Variants in HIVEP3 observed in about 807,000 individuals in gnomAD.
HIVEP3 encodes the protein transcription factor HIVEP3.
HIVEP3 carries 49 observed loss-of-function variants against 152.8 expected under a neutral mutation model. That is an observed-to-expected ratio of 0.32 (90% CI 0.26 to 0.41). The LOEUF (loss-of-function observed/expected upper bound fraction) is 0.41. HIVEP3 is among the 10% of genes least tolerant of loss of function. The pLI is 1.00. For missense variants in HIVEP3, 2,790 were observed against 3,103.3 expected (o/e 0.90, Z 2.40); for synonymous variants, 1,269 against 1,289.0 (o/e 0.98, Z 0.33).
intron 5 of HIVEP3, among the ~76,000 whole-genome samples, chr1:41,540,121 G>A (rs903209168): frequency 2.7e-4 from 41 of 152,350 alleles, no homozygotes; most frequent in East Asian, 1.9e-4. Context: ...GCCCCCCATT[G>A]GGGCTGTGCG....
At chr1:41,877,878 A>G (rs1037145712) in intron 1 of HIVEP3, among the ~76,000 whole-genome samples, 1 of 152,222 alleles carries the variant, frequency 6.6e-6, no homozygotes, top group African/African-American at 2.4e-5. Context: ...AATGATAATC[A>G]GATAATTTAA....
intron 1 of HIVEP3, among the ~76,000 whole-genome samples, chr1:41,767,482 G>T (rs536335850): frequency 3.3e-5 from 5 of 152,282 alleles, no homozygotes; most frequent in African/African-American, 1.2e-4. Flanking sequence ...AGGCAACACT[G>T]GGAAGAATGA....
At chr1:41,971,076 C>G (rs929669672) in intron 1 of HIVEP3, among the ~76,000 whole-genome samples, 1 of 152,174 alleles carries the variant, frequency 6.6e-6, no homozygotes, top group Non-Finnish European at 1.5e-5. Flanking sequence ...GTTTTACTAG[C>G]TGCAATAAAT....
chr1:41,616,051 CAA>C (rs1033624765), intron 3 of HIVEP3, among the ~76,000 whole-genome samples: 3 of 152,056 alleles, frequency 2.0e-5, no homozygotes, highest in Non-Finnish European at 4.4e-5. Flanking sequence ...CTGATTTCCA[CAA>C]GAGACATGCC....
chr1:41,811,154 G>T (rs796556680), intron 1 of HIVEP3, among the ~76,000 whole-genome samples: 5 of 150,992 alleles, frequency 3.3e-5, no homozygotes, highest in African/African-American at 9.8e-5. Flanking sequence ...CTCAGTTGGT[G>T]TTTATTGCCC....
chr1:41,575,666 G>A lies in HIVEP3; in HGVS notation c.5085C>T (p.Ser1695=), dbSNP rs1644317404. 6.2e-7 allele frequency: 1 copy of A among 1,614,100 alleles called. No individual in the cohort carries two copies. Among genetic ancestry groups the A allele is most frequent in the African/African-American group, 1.3e-5 (1 of 75,026 alleles). ...MTEVHLPSLV[S]PEGQKDLARV... ...TAGCTAGATCTTTCTGGCCTTCCGG[G>A]GAAACCAGTGAAGGGAGGTGAACCT... is the stretch of plus-strand genomic sequence containing the variant. The change falls in exon 5 of 9, where the codon TCC becomes TCT. Residue 1695 remains serine (S), a synonymous_variant. Transcript: ENST00000372583.
chr1:41,630,666 T>C (rs769737542), intron 2 of HIVEP3, among the ~76,000 whole-genome samples: 11 of 152,218 alleles, frequency 7.2e-5, no homozygotes, highest in African/African-American at 9.6e-5. Flanking sequence ...TTGAATGAGC[T>C]TGGAAAGCAG....
Position 41,662,145 on chromosome 1 carries a change from C to G in HIVEP3, c.-720-33198G>C, listed in dbSNP as rs961622463. 1 of 149,528 alleles carries G rather than the reference C, an allele frequency of 6.7e-6. No homozygotes were observed. Among genetic ancestry groups the G allele is most frequent in the African/African-American group, 2.4e-5 (1 of 41,072 alleles). 9.3% of individuals were successfully genotyped at this position (149,528 alleles called of 1,614,324 possible). A position where few individuals can be genotyped will look rare whatever the true frequency, so the allele number is the denominator to read the frequency against. On this transcript the variant is annotated intron_variant, in intron 2 of 8. Transcript: ENST00000372583. The surrounding 1 kb of genome is among the most constrained non-coding windows in gnomAD (Gnocchi z 7.2). ...CGCTCGTTGCTTACCTGCGGGCGGC[C>G]GAGGCTCCGCTGCTCTGGGCTGGGC...
At chr1:41,767,304 G>A (rs963524003) in intron 1 of HIVEP3, among the ~76,000 whole-genome samples, 25 of 152,308 alleles carry the variant, frequency 1.6e-4, no homozygotes, top group African/African-American at 6.0e-4. Flanking sequence ...GATTAAAGAG[G>A]ACACAGAATC....
chr1:41,795,897 T>C (rs1489919509), intron 1 of HIVEP3, among the ~76,000 whole-genome samples: 3 of 152,218 alleles, frequency 2.0e-5, no homozygotes, highest in African/African-American at 7.2e-5. Context: ...GTTTGCTTTT[T>C]GTTTTTCCCT....
intron 1 of HIVEP3, among the ~76,000 whole-genome samples, chr1:41,767,436 G>A (rs1465745300): frequency 6.6e-6 from 1 of 152,182 alleles, no homozygotes; most frequent in African/African-American, 2.4e-5. Context: ...AGGCAGAGGT[G>A]TGGTTGACCT....
At chr1:41,755,203 A>T (rs1410123580) in intron 1 of HIVEP3, among the ~76,000 whole-genome samples, 1 of 152,228 alleles carries the variant, frequency 6.6e-6, no homozygotes, top group Non-Finnish European at 1.5e-5. Flanking sequence ...TCAATGAAGG[A>T]AGCATAGTTT....
At chr1:41,931,941 T>C (rs972137351) in intron 1 of HIVEP3, among the ~76,000 whole-genome samples, 1 of 151,358 alleles carries the variant, frequency 6.6e-6, no homozygotes, top group Admixed American at 6.6e-5. Context: ...TTTGCCTTTT[T>C]TTTTCTTGCC....
chr1:41,816,037 C>T (rs928183210), intron 1 of HIVEP3, among the ~76,000 whole-genome samples: 1 of 152,150 alleles, frequency 6.6e-6, no homozygotes, highest in South Asian at 2.1e-4. Context: ...GCATCCTAAA[C>T]TAATCAAGGT....
chr1:41,681,564 GT>G (rs1004560293), intron 2 of HIVEP3, among the ~76,000 whole-genome samples: 2 of 152,172 alleles, frequency 1.3e-5, no homozygotes, highest in African/African-American at 4.8e-5. Context: ...GGGTTAGTTT[GT>G]GAGCCACAGA....
At chr1:42,018,436 G>T (rs189360874) in intron 1 of HIVEP3, among the ~76,000 whole-genome samples, 3 of 151,292 alleles carry the variant, frequency 2.0e-5, no homozygotes, top group Non-Finnish European at 4.4e-5. Context: ...TTTTTTTCCC[G>T]TATGGATACT....
At chr1:41,768,624 T>C (rs1375515223) in intron 1 of HIVEP3, among the ~76,000 whole-genome samples, 4 of 152,234 alleles carry the variant, frequency 2.6e-5, no homozygotes, top group Non-Finnish European at 2.9e-5. Flanking sequence ...CTTCCCTTGT[T>C]GGGGTGTGAA....
Position 41,583,699 on chromosome 1 carries a change from G to A in HIVEP3, c.1099C>T (p.Arg367Cys), listed in dbSNP as rs759673804. ...ATCACCTTCTTCCTCTCGCTTAAGC[G>A]GAGGGCCAGCTTCTGCTTAATCGTG... is the stretch of plus-strand genomic sequence containing the variant. ...THTIKQKLAL[R>C]LSERKKVIDE... Residue 367 changes from arginine to cysteine, a missense_variant, in exon 4 of 9, where the codon CGC (arginine) becomes TGC (cysteine). Transcript: ENST00000372583. The surrounding 1 kb of genome is among the most constrained non-coding windows in gnomAD (Gnocchi z 6.9). 18 of 1,612,956 alleles carry A rather than the reference G, an allele frequency of 1.1e-5. No individual in the cohort carries two copies. In the East Asian group the frequency reaches 1.8e-4, roughly 16 times the overall value.
At chr1:41,551,564 T>C (rs1643894290) in intron 5 of HIVEP3, among the ~76,000 whole-genome samples, 1 of 152,210 alleles carries the variant, frequency 6.6e-6, no homozygotes, top group Non-Finnish European at 1.5e-5. Flanking sequence ...GAGCCTGTTA[T>C]TGGTCTCTTC....
Sources: gnomAD v4.1 joint callset for allele counts (sites outside exome capture counted in the v4.1 genomes callset) on GRCh38, gnomAD v4.1.1 for gene constraint, Gnocchi (gnomAD v3.1) non-coding constraint, MANE v1.5 for transcripts, NCBI Gene and HGNC (gene_info 2026-07-23, HGNC 2026-07-21) for gene names.